Variants in PRMT8 observed in about 807,000 individuals in gnomAD.
PRMT8 encodes protein arginine methyltransferase 8.
In PRMT8, 7 loss-of-function variants were observed where a neutral mutation model predicts 47.1. The ratio of observed to expected loss-of-function variants is 0.15; its 90% CI spans 0.08 to 0.28. The LOEUF is 0.28. Ranked by LOEUF, PRMT8 falls within the 10% of genes least tolerant of loss-of-function variation. The probability of loss-of-function intolerance (pLI) is 1.00; values close to 1 mark genes in which losing one functional copy is unlikely to be tolerated. For missense variants in PRMT8, 237 were observed against 505.4 expected (o/e 0.47, Z 5.09); for synonymous variants, 188 against 186.5 (o/e 1.01, Z -0.07).
chr12:3,507,322 C>T (rs1044655141), intron 1 of PRMT8, among the ~76,000 whole-genome samples: 17 of 152,044 alleles, frequency 1.1e-4, no homozygotes, highest in African/African-American at 3.9e-4. Flanking sequence ...GGCGTTTCAC[C>T]GTGTTAGCCA....
At chr12:3,396,524 A>G (rs1008055972) in intron 1 of PRMT8, among the ~76,000 whole-genome samples, 1 of 152,152 alleles carries the variant, frequency 6.6e-6, no homozygotes, top group African/African-American at 2.4e-5. Flanking sequence ...TTTCTTTGAG[A>G]ACGTTGAATA....
chr12:3,530,671 G>C (rs1866015973), intron 1 of PRMT8, among the ~76,000 whole-genome samples: 1 of 152,206 alleles, frequency 6.6e-6, no homozygotes, highest in African/African-American at 2.4e-5. Flanking sequence ...CAATGTGTAA[G>C]GGAGGGGCCA....
intron 7 of PRMT8, among the ~76,000 whole-genome samples, chr12:3,578,311 C>G (rs1866986662): frequency 1.3e-5 from 2 of 152,266 alleles, no homozygotes; most frequent in South Asian, 4.1e-4. Context: ...TCACTGCAGC[C>G]TCACTGAGGC....
Position 3,538,706 on chromosome 12 carries a change from A to T in PRMT8, c.76-1900A>T, listed in dbSNP as rs1866165919. On this transcript the variant is annotated intron_variant, in intron 1 of 9. Coordinates refer to ENST00000382622, the MANE Select transcript of PRMT8 (RefSeq NM_019854.5). This position sits in a 1 kb window ranked among gnomAD's most constrained non-coding sequence, Gnocchi z 4.6. ...TGCACGGAGCCTTCTTCAGCTTTAGAGGTGATTCTGCAGCCTGCACAGGAG... is the reference window on the plus strand; with the variant it reads ...TGCACGGAGCCTTCTTCAGCTTTAGTGGTGATTCTGCAGCCTGCACAGGAG... 1.9e-6 allele frequency: 1 copy of T among 518,872 alleles called. No homozygotes were observed. The highest frequency in any genetic ancestry group is 1.4e-5 in the South Asian group (1 of 71,598). The allele number at this position is 518,872 out of a possible 1,614,324, so 32.1% of individuals were successfully genotyped here. A position where few individuals can be genotyped will look rare whatever the true frequency, so the allele number is the denominator to read the frequency against.
chr12:3,542,909 C>T (rs967090925), intron 2 of PRMT8, among the ~76,000 whole-genome samples: 1 of 152,264 alleles, frequency 6.6e-6, no homozygotes, highest in Non-Finnish European at 1.5e-5. Flanking sequence ...CTAATCCAGT[C>T]ATTCAGGCGA....
intron 1 of PRMT8, among the ~76,000 whole-genome samples, chr12:3,517,775 C>A (rs1465180254): frequency 1.3e-5 from 2 of 151,922 alleles, no homozygotes; most frequent in Non-Finnish European, 2.9e-5. Context: ...AGATAGTCCG[C>A]TGGGGAGAAT....
intron 1 of PRMT8, among the ~76,000 whole-genome samples, chr12:3,404,262 A>G (rs1864351243): frequency 6.6e-6 from 1 of 152,160 alleles, no homozygotes; most frequent in Non-Finnish European, 1.5e-5. Context: ...CATTTTTATA[A>G]TTTACAAACA....
chr12:3,483,535 A>C (rs12099775), intron 1 of PRMT8, among the ~76,000 whole-genome samples: 27,385 of 151,970 alleles, frequency 0.18, 2,777 homozygotes, highest in East Asian at 0.28. Context: ...TGGGATAAAC[A>C]TGGGTTTTTG....
chr12:3,490,675 A>AGAGAGAGAGAGAGAGAGAGAG (rs1865374699), upstream of PRMT8, among the ~76,000 whole-genome samples: 2 of 121,084 alleles, frequency 1.7e-5, no homozygotes, highest in Non-Finnish European at 3.5e-5. Flanking sequence ...TTTGGGTACA[A>AGAGAGAGAGAGAGAGAGAGAG]AGAGAGAGAG....
In PRMT8 at chr12:3,550,001, G is replaced by A; in HGVS notation, c.327G>A (p.Val109=). The change falls in exon 3 of 10, where the codon GTG becomes GTA. Residue 109 remains valine (V), a synonymous_variant. Transcript: ENST00000382622. The surrounding 1 kb of genome is among the most constrained non-coding windows in gnomAD (Gnocchi z 5.1). ...ACTCCATGTACCACAACAAGCACGT[G>A]TTCAAGGACAAAGTGGTACTGGATG... ...YRNSMYHNKH[V]FKDKVVLDVG... is the part of the protein sequence containing the mutation. 6.2e-7 allele frequency: 1 copy of A among 1,614,236 alleles called. No individual in the cohort carries two copies. The highest frequency in any genetic ancestry group is 8.5e-7 in the Non-Finnish European group (1 of 1,180,034).
intron 1 of PRMT8, among the ~76,000 whole-genome samples, chr12:3,495,760 C>G (rs1211680885): frequency 6.6e-6 from 1 of 152,054 alleles, no homozygotes; most frequent in African/African-American, 2.4e-5. Context: ...AACTCTTGAG[C>G]CTAATGGGCT....
At chr12:3,395,957 C>T (rs1179120476) in intron 1 of PRMT8, among the ~76,000 whole-genome samples, 2 of 151,288 alleles carry the variant, frequency 1.3e-5, no homozygotes, top group Non-Finnish European at 3.0e-5. Context: ...ATCCCTTTAC[C>T]ATTATGTAAT....
At chr12:3,497,932 C>A (rs1429144237) in intron 1 of PRMT8, among the ~76,000 whole-genome samples, 1 of 152,212 alleles carries the variant, frequency 6.6e-6, no homozygotes, top group Non-Finnish European at 1.5e-5. Flanking sequence ...GTGTTGGGGT[C>A]AAGATCCTGT....
In PRMT8 at chr12:3,570,999, G is replaced by A. The variant is rs1866834667; in HGVS notation, c.712+1435G>A. Among the ~76,000 whole-genome samples, 1 of 152,206 alleles carries A rather than the reference G, an allele frequency of 6.6e-6. No homozygotes were observed. Among genetic ancestry groups the A allele is most frequent in the Admixed American group, 6.5e-5 (1 of 15,284 alleles). On this transcript the variant is annotated intron_variant, in intron 6 of 9. Coordinates refer to ENST00000382622, the MANE Select transcript of PRMT8 (RefSeq NM_019854.5). The surrounding 1 kb of genome is among the most constrained non-coding windows in gnomAD (Gnocchi z 5.5). ...CCATGTCCTAACTGGGTAACCTTGA[G>A]CAAATTATCTAATACCTTTGGGCCT...
At chr12:3,540,215 G>A (rs146646174) in intron 1 of PRMT8, among the ~76,000 whole-genome samples, 6 of 152,292 alleles carry the variant, frequency 3.9e-5, no homozygotes, top group East Asian at 1.9e-4. Flanking sequence ...ATTCAGCTCC[G>A]GAATCTACAC....
At chr12:3,439,765 C>T (rs1864779486) in intron 1 of PRMT8, among the ~76,000 whole-genome samples, 1 of 152,234 alleles carries the variant, frequency 6.6e-6, no homozygotes, top group Non-Finnish European at 1.5e-5. Flanking sequence ...ACGGGAACCA[C>T]AGAGTGCCTG....
At chr12:3,523,141 A>T (rs1209780897) in intron 1 of PRMT8, among the ~76,000 whole-genome samples, 1 of 152,222 alleles carries the variant, frequency 6.6e-6, no homozygotes, top group Admixed American at 6.5e-5. Flanking sequence ...AAGCGAACAA[A>T]TATCTATGTC....
rs1034536434 is a variant in PRMT8, at chr12:3,593,828, C to G, written c.*646C>G. The G allele has an allele frequency of 2.0e-5, 3 of 153,318 alleles. No individual in the cohort carries two copies. The highest frequency in any genetic ancestry group is 7.2e-5 in the African/African-American group (3 of 41,416). 9.5% of individuals were successfully genotyped at this position (153,318 alleles called of 1,614,324 possible). Reference sequence around the variant, plus strand: ...GAATTTGTTTTGTGATTAGTTCGCCCCTTCCCCACCCCTTACCAGATGTTA... The same window carrying G: ...GAATTTGTTTTGTGATTAGTTCGCCGCTTCCCCACCCCTTACCAGATGTTA... On this transcript the variant is annotated 3_prime_UTR_variant, in exon 10 of 10. Transcript: ENST00000382622. This position sits in a 1 kb window ranked among gnomAD's most constrained non-coding sequence, Gnocchi z 4.8.
chr12:3,451,398 C>T (rs1341812066), intron 1 of PRMT8, among the ~76,000 whole-genome samples: 4 of 152,172 alleles, frequency 2.6e-5, no homozygotes, highest in East Asian at 1.9e-4. Flanking sequence ...TGCTCTACCA[C>T]GTCCTGCTGT....
Sources: gnomAD v4.1 joint callset for allele counts (sites outside exome capture counted in the v4.1 genomes callset) on GRCh38, gnomAD v4.1.1 for gene constraint, Gnocchi (gnomAD v3.1) non-coding constraint, MANE v1.5 for transcripts, NCBI Gene and HGNC (gene_info 2026-07-23, HGNC 2026-07-21) for gene names.